The following XKR6 variants were observed in gnomAD, a reference collection of about 807,000 sequenced individuals.
The protein encoded by XKR6 is XK-related protein 6.
A neutral mutation model predicts 56.7 loss-of-function variants in XKR6; 22 were observed. That is an observed-to-expected ratio of 0.39 (90% CI 0.28 to 0.55). The LOEUF (loss-of-function observed/expected upper bound fraction) is 0.55. XKR6 is among the 20% of genes least tolerant of loss of function. XKR6 has a pLI of 0.66. For synonymous variants in XKR6, 524 were observed against 387.8 expected, an observed-to-expected ratio of 1.35 and a Z score of -4.13; for missense variants, 852 against 889.0, an observed-to-expected ratio of 0.96 and a Z score of 0.53.
chr8:11,167,570 A>G (rs1185043520), intron 1 of XKR6, among the ~76,000 whole-genome samples: 1 of 152,194 alleles, frequency 6.6e-6, no homozygotes, highest in Non-Finnish European at 1.5e-5. Context: ...AGACGTGAAG[A>G]AAGTTACCTT....
intron 1 of XKR6, among the ~76,000 whole-genome samples, chr8:11,160,924 A>AAAAAAAAAAAG (rs1801772797): frequency 1.3e-5 from 2 of 151,308 alleles, no homozygotes; most frequent in Admixed American, 6.6e-5. Context: ...AAAAAAAAAA[A>AAAAAAAAAAAG]AAAAAAAGAA....
intron 1 of XKR6, among the ~76,000 whole-genome samples, chr8:10,957,005 C>A (rs939200297): frequency 2.0e-5 from 3 of 152,122 alleles, no homozygotes; most frequent in African/African-American, 7.2e-5. Flanking sequence ...GGCTTGAGTG[C>A]AGTGGTGTGA....
chr8:11,057,235 G>T (rs1161860161), intron 1 of XKR6, among the ~76,000 whole-genome samples: 1 of 152,146 alleles, frequency 6.6e-6, no homozygotes, highest in African/African-American at 2.4e-5. Flanking sequence ...CACACTGCCT[G>T]CTTTATGTGT....
chr8:10,930,871 G>T (rs931682263), intron 1 of XKR6, among the ~76,000 whole-genome samples: 5 of 152,154 alleles, frequency 3.3e-5, no homozygotes, highest in Non-Finnish European at 7.4e-5. Flanking sequence ...CAAGAACAGG[G>T]TTATGATGTC....
In XKR6 at chr8:10,954,866, C is replaced by CTTT. The variant is rs34248780; in HGVS notation, c.765-30039_765-30037dup. On this transcript the variant is annotated intron_variant, in intron 1 of 2. Coordinates refer to ENST00000416569, the MANE Select transcript of XKR6 (RefSeq NM_173683.4). ...TAAGGTAAGGGTCTAACTTCATTCT[C>CTTT]TTTTTTTTTTTTTTTTTTTTAGACA... Among the ~76,000 whole-genome samples the CTTT allele has an allele frequency of 4.3e-3, 395 of 92,782 alleles. 20 individuals are homozygous for CTTT. Among genetic ancestry groups the CTTT allele is most frequent in the African/African-American group, 4.9e-3 (113 of 23,256 alleles). The allele number at this position is 92,782 out of a possible 152,430, so 60.9% of individuals were successfully genotyped here. A position where few individuals can be genotyped will look rare whatever the true frequency, so the allele number is the denominator to read the frequency against.
intron 1 of XKR6, among the ~76,000 whole-genome samples, chr8:10,991,185 T>C (rs935533815): frequency 2.6e-5 from 4 of 152,146 alleles, no homozygotes; most frequent in Admixed American, 6.5e-5. Flanking sequence ...ATTACAGGCG[T>C]GAGCCACCCC....
At position 10,896,994 on chromosome 8, in the gene XKR6, T is replaced by C. The variant is rs1157923294; in HGVS notation, c.*958A>G. 6.6e-6 allele frequency: 1 copy of C among 152,642 alleles called. No homozygotes were observed. The highest frequency in any genetic ancestry group is 1.5e-5 in the Non-Finnish European group (1 of 68,054). The allele number at this position is 152,642 out of a possible 1,614,324, so 9.5% of individuals were successfully genotyped here. ...TTTGCTACTATGCTGAGTTTTATTA[T>C]TACTGACTATGTGTACAGAAATCTC... On this transcript the variant is annotated 3_prime_UTR_variant, in exon 3 of 3. Coordinates refer to ENST00000416569, the MANE Select transcript of XKR6 (RefSeq NM_173683.4).
At chr8:11,114,891 T>C (rs1307815063) in intron 1 of XKR6, among the ~76,000 whole-genome samples, 4 of 152,150 alleles carry the variant, frequency 2.6e-5, no homozygotes, top group African/African-American at 4.8e-5. Context: ...TCGTACAACA[T>C]GAAAACTAAC....
At chr8:10,906,555 G>T (rs887590626) in intron 2 of XKR6, among the ~76,000 whole-genome samples, 5 of 152,198 alleles carry the variant, frequency 3.3e-5, no homozygotes, top group Admixed American at 2.0e-4. Context: ...AAGTAATTGC[G>T]GTTTTGCCAT....
At chr8:11,120,928 C>A (rs565016288) in intron 1 of XKR6, among the ~76,000 whole-genome samples, 19 of 152,236 alleles carry the variant, frequency 1.2e-4, no homozygotes, top group African/African-American at 3.9e-4. Flanking sequence ...GAAAAACAAG[C>A]AATGGGGAAA....
chr8:11,038,798 C>A (rs1378038079), intron 1 of XKR6, among the ~76,000 whole-genome samples: 1 of 152,116 alleles, frequency 6.6e-6, no homozygotes, highest in Non-Finnish European at 1.5e-5. Context: ...ACCTGAGACT[C>A]CCAAAGTGCT....
chr8:11,178,173 T>C (rs1802758211), intron 1 of XKR6, among the ~76,000 whole-genome samples: 1 of 152,044 alleles, frequency 6.6e-6, no homozygotes, highest in Non-Finnish European at 1.5e-5. Flanking sequence ...AAGCGTAAAA[T>C]TACTGAAAAC....
intron 1 of XKR6, among the ~76,000 whole-genome samples, chr8:10,950,125 G>C (rs1179463278): frequency 6.6e-6 from 1 of 152,192 alleles, no homozygotes; most frequent in East Asian, 1.9e-4. Context: ...GAGACCAGAA[G>C]AGGTCACAGC....
chr8:11,128,271 C>G (rs1799928231), intron 1 of XKR6, among the ~76,000 whole-genome samples: 1 of 152,204 alleles, frequency 6.6e-6, no homozygotes, highest in Non-Finnish European at 1.5e-5. Flanking sequence ...TCCCTGACCT[C>G]TAAAGCCCCA....
chr8:11,163,054 A>G (rs1801899238), intron 1 of XKR6, among the ~76,000 whole-genome samples: 1 of 152,268 alleles, frequency 6.6e-6, no homozygotes, highest in Non-Finnish European at 1.5e-5. Context: ...CTACTTGTAC[A>G]GGAAAACAAG....
chr8:11,114,034 A>C (rs934910082), intron 1 of XKR6: 1 of 423,556 alleles, frequency 2.4e-6, no homozygotes, highest in Non-Finnish European at 4.6e-6. Flanking sequence ...CTAGTCAGAA[A>C]TCAGATGACC....
chr8:11,198,040 A>T (rs1803985741), intron 1 of XKR6, among the ~76,000 whole-genome samples: 1 of 152,240 alleles, frequency 6.6e-6, no homozygotes, highest in African/African-American at 2.4e-5. Flanking sequence ...CCTTTATGTT[A>T]TGTGACCATA....
chr8:11,142,295 G>T (rs1800743870), intron 1 of XKR6, among the ~76,000 whole-genome samples: 1 of 152,094 alleles, frequency 6.6e-6, no homozygotes, highest in Admixed American at 6.5e-5. Flanking sequence ...TGTAGATAAT[G>T]AACCTGAAAC....
intron 1 of XKR6, among the ~76,000 whole-genome samples, chr8:10,993,377 GA>G (rs1465741670): frequency 6.6e-6 from 1 of 152,262 alleles, no homozygotes; most frequent in Non-Finnish European, 1.5e-5. Context: ...AGGAAGAAAG[GA>G]AAGAAAGCGG....
Sources: allele counts gnomAD v4.1 joint callset (sites outside exome capture counted in the v4.1 genomes callset), GRCh38; gene constraint gnomAD v4.1.1; transcripts MANE v1.5; gene names NCBI Gene and HGNC (gene_info 2026-07-23, HGNC 2026-07-21).